Variants in HPSE2 observed in about 807,000 individuals in gnomAD.
The protein encoded by HPSE2 is inactive heparanase-2.
In HPSE2, 38 loss-of-function variants were observed where a neutral mutation model predicts 60.5. The ratio of observed to expected loss-of-function variants is 0.63; its 90% CI spans 0.48 to 0.82. HPSE2 has a LOEUF of 0.82. Ranked by LOEUF, HPSE2 falls within the 40% of genes least tolerant of loss-of-function variation. HPSE2 has a pLI of 0.00. For synonymous variants in HPSE2, 295 were observed against 293.2 expected (o/e 1.01, Z -0.06); for missense variants, 713 against 740.4 (o/e 0.96, Z 0.43).
At chr10:99,249,501 A>G in the HPSE2 span, among the ~76,000 whole-genome samples, 6 of 152,212 alleles carry the variant, frequency 3.9e-5, no homozygotes, top group Non-Finnish European at 8.8e-5. Context: ...TACTGGAAGT[A>G]ACTAACTTGT....
the HPSE2 span, among the ~76,000 whole-genome samples, chr10:99,305,969 G>GTA: frequency 2.9e-4 from 15 of 50,922 alleles, no homozygotes; most frequent in South Asian, 5.8e-4. Context: ...ACACGCGCGC[G>GTA]CGCGCGCGCG....
At chr10:99,131,087 T>A (rs1845365259) in intron 3 of HPSE2, among the ~76,000 whole-genome samples, 1 of 152,032 alleles carries the variant, frequency 6.6e-6, no homozygotes, top group South Asian at 2.1e-4. Context: ...AAAACAAAAA[T>A]CATATGATCA....
At chr10:98,867,791 G>A (rs1374319801) in intron 3 of HPSE2, among the ~76,000 whole-genome samples, 1 of 152,148 alleles carries the variant, frequency 6.6e-6, no homozygotes, top group Non-Finnish European at 1.5e-5. Context: ...TGGGTGCAGT[G>A]GCTCATGCCT....
At chr10:98,773,386 T>A (rs7070112) in intron 3 of HPSE2, among the ~76,000 whole-genome samples, 5,864 of 152,224 alleles carry the variant, frequency 0.039, 182 homozygotes, top group East Asian at 0.12. Flanking sequence ...TGCATAGTCT[T>A]CAAATATAAC....
In HPSE2 at chr10:98,581,348, T is replaced by A. The variant is rs189713678; in HGVS notation, c.1320+33556A>T. On this transcript the variant is annotated intron_variant, in intron 9 of 11. Coordinates refer to ENST00000370552, the MANE Select transcript of HPSE2 (RefSeq NM_021828.5). Reference sequence around the variant, plus strand: ...TTTTCTTCTTAATGATCAAAACCAATTTTTACCTTGACAAATCCATTTTAA... The same window carrying A: ...TTTTCTTCTTAATGATCAAAACCAAATTTTACCTTGACAAATCCATTTTAA... Among the ~76,000 whole-genome samples, 263 of 152,262 alleles carry A rather than the reference T, an allele frequency of 1.7e-3. 2 individuals carry two copies. The highest frequency in any genetic ancestry group is 6.1e-3 in the African/African-American group (254 of 41,548).
intron 11 of HPSE2, 74 bp downstream of exon 11, chr10:98,482,562 T>G: frequency 6.3e-7 from 1 of 1,575,902 alleles, no homozygotes; most frequent in South Asian, 1.1e-5. Flanking sequence ...AGCAGCAACC[T>G]TGGTGTCTTC....
intron 2 of HPSE2, among the ~76,000 whole-genome samples, chr10:99,186,695 G>A (rs1324358981): frequency 6.6e-6 from 1 of 151,044 alleles, no homozygotes; most frequent in African/African-American, 2.4e-5. Context: ...CAAAAATGAA[G>A]AAAACAAACT....
At chr10:99,191,639 T>A (rs1255527703) in intron 2 of HPSE2, among the ~76,000 whole-genome samples, 1 of 152,184 alleles carries the variant, frequency 6.6e-6, no homozygotes, top group East Asian at 1.9e-4. Flanking sequence ...TTTGAATACG[T>A]GGAAAGCGTT....
At chr10:99,113,950 A>G (rs963988714) in intron 3 of HPSE2, among the ~76,000 whole-genome samples, 1 of 152,074 alleles carries the variant, frequency 6.6e-6, no homozygotes. Context: ...TGTTGTTCCT[A>G]TGTGCTGACA....
chr10:98,581,845 T>C (rs1420096584), intron 9 of HPSE2, among the ~76,000 whole-genome samples: 1 of 152,258 alleles, frequency 6.6e-6, no homozygotes, highest in Non-Finnish European at 1.5e-5. Context: ...TCTGTTGAGT[T>C]TTAATAATAT....
At chr10:98,689,762 G>C (rs76217508) in intron 6 of HPSE2, among the ~76,000 whole-genome samples, 230 of 152,254 alleles carry the variant, frequency 1.5e-3, no homozygotes, top group African/African-American at 5.2e-3. Context: ...TGATCTTCTT[G>C]TTCTTGTGAA....
chr10:99,006,345 A>C (rs1956893247), intron 3 of HPSE2, among the ~76,000 whole-genome samples: 1 of 152,182 alleles, frequency 6.6e-6, no homozygotes, highest in Non-Finnish European at 1.5e-5. Flanking sequence ...TTGTGGCCAC[A>C]AGGACTGCCC....
At chr10:99,152,893 C>T (rs533564237) in intron 2 of HPSE2, among the ~76,000 whole-genome samples, 15 of 152,306 alleles carry the variant, frequency 9.8e-5, no homozygotes, top group Non-Finnish European at 1.6e-4. Flanking sequence ...AGTGGGTGCG[C>T]GCATCGTGCG....
At chr10:98,903,289 T>C (rs1321859457) in intron 3 of HPSE2, among the ~76,000 whole-genome samples, 2 of 152,056 alleles carry the variant, frequency 1.3e-5, no homozygotes. Context: ...TGGGGAGTGA[T>C]GGCTAGTGAG....
intron 1 of HPSE2, 29 bp from the exon 2 acceptor site, chr10:99,232,534 G>T: frequency 6.5e-7 from 1 of 1,549,750 alleles, no homozygotes; most frequent in South Asian, 1.2e-5. Context: ...AGAGAGGAAA[G>T]GTTCCCAGGA....
intron 3 of HPSE2, among the ~76,000 whole-genome samples, chr10:98,874,113 T>C (rs1952808230): frequency 6.6e-6 from 1 of 152,092 alleles, no homozygotes; most frequent in Non-Finnish European, 1.5e-5. Context: ...TAGACCTTTG[T>C]CAGATGTGTA....
At chr10:99,030,277 C>G (rs1258172402) in intron 3 of HPSE2, among the ~76,000 whole-genome samples, 1 of 152,182 alleles carries the variant, frequency 6.6e-6, no homozygotes, top group African/African-American at 2.4e-5. Flanking sequence ...TCCTTGGTCT[C>G]TTGCCTCGGC....
At chr10:98,711,125 C>G (rs1283925278) in intron 5 of HPSE2, among the ~76,000 whole-genome samples, 2 of 152,042 alleles carry the variant, frequency 1.3e-5, no homozygotes, top group African/African-American at 4.8e-5. Flanking sequence ...AAGGCTCTGG[C>G]TGGAGCTGGA....
chr10:98,814,399 G>A (rs1951238518), intron 3 of HPSE2, among the ~76,000 whole-genome samples: 1 of 152,038 alleles, frequency 6.6e-6, no homozygotes, highest in Non-Finnish European at 1.5e-5. Flanking sequence ...TCTGTTCCAT[G>A]TCAAGTAAAA....
Sources: gnomAD v4.1 joint callset for allele counts (sites outside exome capture counted in the v4.1 genomes callset) on GRCh38, gnomAD v4.1.1 for gene constraint, MANE v1.5 for transcripts, NCBI Gene and HGNC (gene_info 2026-07-23, HGNC 2026-07-21) for gene names.